The following RAD54L variants were observed in gnomAD, a reference collection of about 807,000 sequenced individuals.
RAD54L encodes the protein RAD54 like.
In RAD54L, 74 loss-of-function variants were observed where a neutral mutation model predicts 91.6. That is an observed-to-expected ratio of 0.81 (90% CI 0.67 to 0.98). The LOEUF (loss-of-function observed/expected upper bound fraction) is 0.98, where lower values mean the gene tolerates loss of function less well. RAD54L is among the 50% of genes least tolerant of loss of function. RAD54L has a pLI of 0.00. For synonymous variants in RAD54L, 304 were observed against 349.7 expected, an observed-to-expected ratio of 0.87 and a Z score of 1.46; for missense variants, 887 against 945.7, an observed-to-expected ratio of 0.94 and a Z score of 0.81.
chr1:46,260,841 TG>T lies in RAD54L; in HGVS notation c.594del (p.Trp198Ter). 1 of 1,614,230 alleles carries T rather than the reference TG, an allele frequency of 6.2e-7. No individual in the cohort carries two copies. The highest frequency in any genetic ancestry group is 2.2e-5 in the East Asian group (1 of 44,888). On this transcript the variant is annotated frameshift_variant, in exon 7 of 18. Transcript: ENST00000371975. LOFTEE classifies it high-confidence loss of function. ...GKTLQCITLM[W>X]TLLRQSPECK... Reference sequence around the variant, plus strand: ...GACGCTGCAGTGCATCACATTGATGTGGACACTTTTACGCCAGAGTCCAGAG... The same window carrying T: ...GACGCTGCAGTGCATCACATTGATGTGACACTTTTACGCCAGAGTCCAGAG...
chr1:46,261,464 G>T, intron 8 of RAD54L, 79 bp downstream of exon 8: 1 of 1,555,742 alleles, frequency 6.4e-7, no homozygotes, highest in Non-Finnish European at 8.8e-7. Flanking sequence ...TCCAAGGGCT[G>T]TGCTAGTCAC....
chr1:46,265,988 A>G lies in RAD54L; in HGVS notation c.892-1471A>G, dbSNP rs1296368673. ...GTTTAGTTAGTACCATGCCTACCAC[A>G]TTAAACGGGTTCACTAAATAGTAGC... On this transcript the variant is annotated intron_variant, in intron 8 of 17. Coordinates refer to ENST00000371975, the MANE Select transcript of RAD54L (RefSeq NM_003579.4). The surrounding 1 kb of genome is among the most constrained non-coding windows in gnomAD (Gnocchi z 4.8). Among the ~76,000 whole-genome samples the G allele has an allele frequency of 6.6e-6, 1 of 152,204 alleles. No individual in the cohort carries two copies. The highest frequency in any genetic ancestry group is 1.5e-5 in the Non-Finnish European group (1 of 68,046).
intron 4 of RAD54L, 93 bp from the exon 5 acceptor site, chr1:46,259,871 C>G (rs185689997): frequency 1.3e-6 from 2 of 1,555,752 alleles, no homozygotes; most frequent in Admixed American, 1.7e-5. Context: ...TATGGGAGCT[C>G]GGGAAAGGTT....
At chr1:46,258,180 GTGT>G (rs897342162) in intron 3 of RAD54L, among the ~76,000 whole-genome samples, 3 of 152,042 alleles carry the variant, frequency 2.0e-5, no homozygotes, top group East Asian at 1.9e-4. Flanking sequence ...GCCCGGCCTG[GTGT>G]TGTTAATATT....
chr1:46,272,633 T>C, intron 11 of RAD54L, 39 bp from the exon 12 acceptor site: 2 of 1,613,822 alleles, frequency 1.2e-6, no homozygotes, highest in African/African-American at 2.7e-5. Context: ...GGCAGGAGGG[T>C]GGTCTAGCTT....
intron 14 of RAD54L, 47 bp downstream of exon 14, chr1:46,273,794 C>T (rs1660510656): frequency 6.4e-7 from 1 of 1,561,592 alleles, no homozygotes. Context: ...ATACCCCTCC[C>T]CTACTGTCTG....
intron 3 of RAD54L, among the ~76,000 whole-genome samples, chr1:46,254,484 G>T (rs1659887236): frequency 6.6e-6 from 1 of 151,896 alleles, no homozygotes; most frequent in Non-Finnish European, 1.5e-5. Context: ...ATACACCTGG[G>T]ACTCATTAGC....
intron 16 of RAD54L, among the ~76,000 whole-genome samples, chr1:46,275,581 T>C (rs974430833): frequency 1.4e-4 from 22 of 152,196 alleles, no homozygotes; most frequent in African/African-American, 5.3e-4. Context: ...ACCAGCTACA[T>C]TGCATTTACA....
intron 9 of RAD54L, among the ~76,000 whole-genome samples, chr1:46,268,603 T>G (rs1227684858): frequency 6.6e-6 from 1 of 152,250 alleles, no homozygotes; most frequent in Admixed American, 6.5e-5. Context: ...GTTTTGCCTA[T>G]TTTTGAATTT....
In RAD54L at chr1:46,274,189, G is replaced by A; in HGVS notation, c.1662G>A (p.Lys554=). ...CGATGTCCATTAAGAAGCGAGCCAA[G>A]GTTGTAGAACGCTTCAATAGTCCAT... ...DGTMSIKKRA[K]VVERFNSPSS... The change falls in exon 15 of 18, where the codon AAG becomes AAA. Residue 554 remains lysine (K), a synonymous_variant. Coordinates refer to ENST00000371975, the MANE Select transcript of RAD54L (RefSeq NM_003579.4). 3 of 1,613,808 alleles carry A rather than the reference G, an allele frequency of 1.9e-6. No homozygotes were observed. The highest frequency in any genetic ancestry group is 2.5e-6 in the Non-Finnish European group (3 of 1,179,680).
intron 3 of RAD54L, among the ~76,000 whole-genome samples, chr1:46,253,565 A>G (rs547623187): frequency 6.6e-6 from 1 of 152,066 alleles, no homozygotes; most frequent in South Asian, 2.1e-4. Flanking sequence ...CAGTGAGCCA[A>G]GATTGTGCCA....
chr1:46,272,692 A>T lies in RAD54L; in HGVS notation c.1265A>T (p.Glu422Val). 2 of 1,614,144 alleles carry T rather than the reference A, an allele frequency of 1.2e-6. No homozygotes were observed. Among genetic ancestry groups the T allele is most frequent in the Non-Finnish European group, 8.5e-7 (1 of 1,180,034 alleles). ...VCCRLTPLQTELYKRFLRQAK... is the reference protein window; with the variant it reads ...VCCRLTPLQTVLYKRFLRQAK... ...TTTAGGCTGACACCCCTTCAGACTG[A>T]GTTATACAAGAGGTTTCTGAGACAA... Residue 422 changes from glutamate to valine, a missense_variant, in exon 12 of 18, where the codon GAG (glutamate) becomes GTG (valine). By Grantham distance (121) the Glu-to-Val change is moderately radical. Coordinates refer to ENST00000371975, the MANE Select transcript of RAD54L (RefSeq NM_003579.4).
chr1:46,248,742 C>T (rs1659719918), intron 2 of RAD54L, 144 bp downstream of exon 2: 1 of 756,304 alleles, frequency 1.3e-6, no homozygotes, highest in Admixed American at 2.1e-5. Flanking sequence ...TACTATGTGC[C>T]AGGCATTGAA....
rs372225086 is a variant in RAD54L, at chr1:46,273,439, C to T, written c.1460C>T (p.Ser487Phe). ...ALDLFPPGYS[S>F]KALEPQLSGK... Reference sequence around the variant, plus strand: ...GACCTCTTCCCTCCTGGTTACAGCTCTAAGGCCCTGGAGCCCCAGCTGTCA... The same window carrying T: ...GACCTCTTCCCTCCTGGTTACAGCTTTAAGGCCCTGGAGCCCCAGCTGTCA... Residue 487 changes from serine to phenylalanine, a missense_variant, in exon 13 of 18, where the codon TCT becomes TTT. Coordinates refer to ENST00000371975, the MANE Select transcript of RAD54L (RefSeq NM_003579.4). 1.4e-4 allele frequency: 231 copies of T among 1,613,880 alleles called. No individual in the cohort carries two copies. In the South Asian group the frequency reaches 2.1e-3, roughly 15 times the overall value.
At position 46,273,274 on chromosome 1, in the gene RAD54L, C is replaced by G. The variant is rs1042510219; in HGVS notation, c.1376-81C>G. ...GTTGAGGAAGGCCTTTTGGGCTAGG[C>G]TTCTAGAGGGAGTTCTAGTGAACAC... On this transcript the variant is annotated intron_variant, in intron 12 of 17. Transcript: ENST00000371975. 35 of 1,178,800 alleles carry G rather than the reference C, an allele frequency of 3.0e-5. No individual in the cohort carries two copies. The African/African-American group carries it at 5.1e-4, about 17-fold the overall frequency. The allele number at this position is 1,178,800 out of a possible 1,614,324, so 73.0% of individuals were successfully genotyped here.
At chr1:46,277,792 AC>A in intron 16 of RAD54L, 24 bp from the exon 17 acceptor site, 1 of 1,586,392 alleles carries the variant, frequency 6.3e-7, no homozygotes, top group Non-Finnish European at 8.7e-7. Flanking sequence ...GTATCTTTTG[AC>A]ATTCCCCACC....
At chr1:46,275,475 T>A (rs1302288564) in intron 16 of RAD54L, among the ~76,000 whole-genome samples, 1 of 152,070 alleles carries the variant, frequency 6.6e-6, no homozygotes, top group Non-Finnish European at 1.5e-5. Flanking sequence ...TTGACTTCCT[T>A]GTTTATTTAG....
rs374574941 is a variant in RAD54L at position 46,274,665 on chromosome 1, G to A, written c.1817G>A (p.Arg606Gln). ...NPANDEQAMA[R>Q]VWRDGQKKTC... is the part of the protein sequence containing the mutation. ...GCCAATGATGAACAAGCCATGGCCC[G>A]GGTCTGGCGAGATGGTCAAAAGAAG... The change falls in exon 16 of 18, where the codon CGG becomes CAG. Residue 606 changes from arginine to glutamine, a missense_variant. Arg to Gln is a conservative substitution (Grantham distance 43). Transcript: ENST00000371975. The A allele has an allele frequency of 3.7e-5, 59 of 1,613,998 alleles. No homozygotes were observed. The highest frequency in any genetic ancestry group is 5.3e-5 in the African/African-American group (4 of 74,908).
chr1:46,257,984 G>C (rs1659987648), intron 3 of RAD54L, among the ~76,000 whole-genome samples: 1 of 152,044 alleles, frequency 6.6e-6, no homozygotes, highest in Non-Finnish European at 1.5e-5. Context: ...GAATGCAAGA[G>C]GCTTAGCTCT....
Sources: gnomAD v4.1 joint callset for allele counts (sites outside exome capture counted in the v4.1 genomes callset) on GRCh38, gnomAD v4.1.1 for gene constraint, Gnocchi (gnomAD v3.1) non-coding constraint, MANE v1.5 for transcripts, NCBI Gene and HGNC (gene_info 2026-07-23, HGNC 2026-07-21) for gene names.